DNAH14: variants seen among roughly 807,000 people sequenced by gnomAD.
DNAH14 encodes dynein axonemal heavy chain 14.
DNAH14 carries 478 observed loss-of-function variants against 520.9 expected under a neutral mutation model. That is an observed-to-expected ratio of 0.92 (90% CI 0.85 to 0.99). DNAH14 has a LOEUF of 0.99. DNAH14 is among the 50% of genes least tolerant of loss of function. The probability of loss-of-function intolerance (pLI) is 0.00; values close to 1 mark genes in which losing one functional copy is unlikely to be tolerated. For synonymous variants in DNAH14, 1,581 were observed against 1,757.2 expected, an observed-to-expected ratio of 0.90 and a Z score of 2.51; for missense variants, 4,831 against 5,234.5, an observed-to-expected ratio of 0.92 and a Z score of 2.38.
intron 41 of DNAH14, among the ~76,000 whole-genome samples, chr1:225,222,160 G>A (rs1225644302): frequency 6.6e-6 from 1 of 152,162 alleles, no homozygotes; most frequent in African/African-American, 2.4e-5. Flanking sequence ...ACACTGCAAT[G>A]GATCATGTTG....
chr1:225,311,090 C>T (rs1284266508), intron 60 of DNAH14, among the ~76,000 whole-genome samples: 1 of 152,178 alleles, frequency 6.6e-6, no homozygotes, highest in East Asian at 1.9e-4. Context: ...CCTGTTTCTC[C>T]ACATCCTCTC....
chr1:225,057,275 T>C (rs1275935387), intron 17 of DNAH14, among the ~76,000 whole-genome samples: 1 of 152,206 alleles, frequency 6.6e-6, no homozygotes, highest in East Asian at 1.9e-4. Flanking sequence ...TTCCTAGGTA[T>C]TTTATTCTCC....
At chr1:225,093,200 A>C (rs1037505819) in intron 21 of DNAH14, among the ~76,000 whole-genome samples, 2 of 151,998 alleles carry the variant, frequency 1.3e-5, no homozygotes, top group East Asian at 3.9e-4. Context: ...ATGAAGAAAA[A>C]CTTCAGGCCA....
chr1:225,031,767 C>G (rs1242790430), intron 11 of DNAH14, among the ~76,000 whole-genome samples: 1 of 151,936 alleles, frequency 6.6e-6, no homozygotes, highest in African/African-American at 2.4e-5. Flanking sequence ...TTTAGTTGTT[C>G]ATGTATTTTA....
intron 36 of DNAH14, among the ~76,000 whole-genome samples, chr1:225,173,199 C>G (rs2082910404): frequency 6.6e-6 from 1 of 152,038 alleles, no homozygotes; most frequent in African/African-American, 2.4e-5. Flanking sequence ...ATAGGCATGG[C>G]CAAGGACTTC....
At chr1:224,985,776 C>T (rs1038749352) in intron 8 of DNAH14, among the ~76,000 whole-genome samples, 1 of 151,614 alleles carries the variant, frequency 6.6e-6, no homozygotes, top group Non-Finnish European at 1.5e-5. Context: ...CTGAAGAATG[C>T]ATGAGTCTCT....
intron 84 of DNAH14, 148 bp from the exon 85 acceptor site, chr1:225,398,372 A>G: frequency 2.0e-6 from 2 of 984,784 alleles, no homozygotes; most frequent in Non-Finnish European, 1.4e-6. Context: ...AGAATAGGAA[A>G]AAAAATAAGT....
intron 1 of DNAH14, 134 bp downstream of exon 1, chr1:224,929,969 G>A (rs2058570197): frequency 3.9e-6 from 2 of 514,804 alleles, no homozygotes; most frequent in Non-Finnish European, 6.8e-6. Context: ...CAGCTGCTGT[G>A]GGAGCGCCTC....
intron 78 of DNAH14, among the ~76,000 whole-genome samples, chr1:225,375,274 C>T (rs188723759): frequency 1.4e-3 from 218 of 152,276 alleles, no homozygotes; most frequent in African/African-American, 5.0e-3. Flanking sequence ...CCCTCTTCTC[C>T]CCCTCAGTTT....
chr1:224,965,959 A>T (rs1311996280), intron 5 of DNAH14, among the ~76,000 whole-genome samples: 1 of 152,168 alleles, frequency 6.6e-6, no homozygotes, highest in African/African-American at 2.4e-5. Context: ...TTGAAAAAAT[A>T]ATTTAATTGG....
intron 5 of DNAH14, among the ~76,000 whole-genome samples, chr1:224,966,745 G>A (rs1029386248): frequency 3.9e-5 from 6 of 152,220 alleles, no homozygotes; most frequent in Admixed American, 1.3e-4. Context: ...AAGCCACAAT[G>A]GTGTGAGTAA....
chr1:225,249,049 C>T (rs545889420), intron 43 of DNAH14, among the ~76,000 whole-genome samples: 1 of 152,276 alleles, frequency 6.6e-6, no homozygotes, highest in Admixed American at 6.5e-5. Context: ...AATTTCCTGA[C>T]CTGTAAAATA....
intron 43 of DNAH14, among the ~76,000 whole-genome samples, chr1:225,252,043 T>C (rs930551590): frequency 2.6e-5 from 4 of 152,180 alleles, no homozygotes; most frequent in African/African-American, 9.6e-5. Flanking sequence ...ATCAAAACTT[T>C]GGGGTAAGAT....
rs190299369 is a variant in DNAH14, at chr1:225,232,744, T to C, written c.6518+1593T>C. 6.6e-6 allele frequency among the ~76,000 whole-genome samples: 1 copy of C among 152,356 alleles called. No individual in the cohort carries two copies. Among genetic ancestry groups the C allele is most frequent in the East Asian group, 1.9e-4 (1 of 5,186 alleles). ...AAATGGTTACTTCTTCAAAGATACC[T>C]TCCCTGACTCCCACATCTAAACTAG... is the stretch of plus-strand genomic sequence containing the variant. On this transcript the variant is annotated intron_variant, in intron 42 of 85. Coordinates refer to ENST00000682510, the MANE Select transcript of DNAH14 (RefSeq NM_001367479.1). The surrounding 1 kb of genome is among the most constrained non-coding windows in gnomAD (Gnocchi z 4.2).
chr1:225,196,690 T>A (rs138578378), intron 38 of DNAH14, among the ~76,000 whole-genome samples: 24 of 152,334 alleles, frequency 1.6e-4, no homozygotes, highest in African/African-American at 5.8e-4. Flanking sequence ...TTTTTGATTT[T>A]TTGATTATGG....
chr1:225,147,785 C>G (rs568595439), intron 31 of DNAH14, among the ~76,000 whole-genome samples: 6 of 152,280 alleles, frequency 3.9e-5, no homozygotes, highest in African/African-American at 1.4e-4. Flanking sequence ...TCTCCCTCCT[C>G]CCACCTTCCA....
chr1:225,210,271 T>C lies in DNAH14; in HGVS notation c.6439+3051T>C, dbSNP rs571439883. ...GCTAAGATCCAATGGCTTGAAATTC[T>C]TGCTGCCAGCACAGCAGTATGAAGT... On this transcript the variant is annotated intron_variant, in intron 41 of 85. Transcript: ENST00000682510. Among the ~76,000 whole-genome samples, 10 of 152,290 alleles carry C rather than the reference T, an allele frequency of 6.6e-5. No homozygotes were observed. The South Asian group carries it at 2.1e-3, about 32-fold the overall frequency.
At chr1:225,292,610 G>A (rs1308457831) in intron 55 of DNAH14, among the ~76,000 whole-genome samples, 1 of 151,920 alleles carries the variant, frequency 6.6e-6, no homozygotes, top group Non-Finnish European at 1.5e-5. Flanking sequence ...TTGAATTTTA[G>A]GAATTTTTTT....
intron 37 of DNAH14, among the ~76,000 whole-genome samples, chr1:225,191,685 A>T (rs970542379): frequency 1.3e-5 from 2 of 151,810 alleles, no homozygotes; most frequent in Non-Finnish European, 2.9e-5. Flanking sequence ...TAATGTATAG[A>T]TTGATATGCT....
Sources: gnomAD v4.1 joint callset for allele counts (sites outside exome capture counted in the v4.1 genomes callset) on GRCh38, gnomAD v4.1.1 for gene constraint, Gnocchi (gnomAD v3.1) non-coding constraint, MANE v1.5 for transcripts, NCBI Gene and HGNC (gene_info 2026-07-23, HGNC 2026-07-21) for gene names.